The following TNFSF11 variants were observed in gnomAD, a reference collection of about 807,000 sequenced individuals.
The protein encoded by TNFSF11 is TNF superfamily member 11.
TNFSF11 carries 12 observed loss-of-function variants against 32.2 expected under a neutral mutation model. The ratio of observed to expected loss-of-function variants is 0.37; its 90% confidence interval spans 0.24 to 0.60. The LOEUF (loss-of-function observed/expected upper bound fraction) is 0.60. Among genes scored for constraint, TNFSF11 ranks in the 20% least tolerant of loss-of-function variants. The pLI is 0.66. For synonymous variants in TNFSF11, 172 were observed against 152.1 expected (o/e 1.13, Z -0.96); for missense variants, 345 against 398.0 (o/e 0.87, Z 1.13).
chr13:42,601,164 G>C (rs1330195540), intron 4 of TNFSF11, among the ~76,000 whole-genome samples, 183 bp downstream of exon 4: 2 of 152,204 alleles, frequency 1.3e-5, no homozygotes, highest in Non-Finnish European at 2.9e-5. Context: ...TCTCAAAAAT[G>C]TCAGAATGGA....
chr13:42,581,309 G>A lies in TNFSF11; in HGVS notation c.387+16G>A. On this transcript the variant is annotated intron_variant, in intron 2 of 4. Coordinates refer to ENST00000398795, the MANE Select transcript of TNFSF11 (RefSeq NM_003701.4). ...TGTGCAAAAGGTAAGTCCACATCGAGGCTGATAAGTCAAGGGCCCTTGCTG... is the reference window on the plus strand; with the variant it reads ...TGTGCAAAAGGTAAGTCCACATCGAAGCTGATAAGTCAAGGGCCCTTGCTG... The A allele has an allele frequency of 6.2e-7, 1 of 1,613,786 alleles. No individual in the cohort carries two copies. Among genetic ancestry groups the A allele is most frequent in the African/African-American group, 1.3e-5 (1 of 75,016 alleles).
intron 1 of TNFSF11, among the ~76,000 whole-genome samples, chr13:42,563,608 A>T (rs9533153): frequency 0.35 from 52,211 of 150,422 alleles, 9,302 homozygotes; most frequent in Middle Eastern, 0.5. Flanking sequence ...GGTTGCAGTG[A>T]GCTGAGATTG....
At chr13:42,575,173 G>A (rs1429109843) in intron 1 of TNFSF11, among the ~76,000 whole-genome samples, 1 of 152,204 alleles carries the variant, frequency 6.6e-6, no homozygotes, top group Non-Finnish European at 1.5e-5. Flanking sequence ...AAGGAAGAGG[G>A]ACAGCCCCAC....
chr13:42,590,617 G>A (rs1385167774), intron 2 of TNFSF11, among the ~76,000 whole-genome samples: 1 of 152,248 alleles, frequency 6.6e-6, no homozygotes, highest in Non-Finnish European at 1.5e-5. Context: ...GAGGAAAACA[G>A]AGACATGGTA....
In TNFSF11 at chr13:42,606,798, T is replaced by C. The variant is rs1345856108; in HGVS notation, c.834T>C (p.Gly278=). The C allele has an allele frequency of 1.2e-6, 2 of 1,613,430 alleles. No individual in the cohort carries two copies. Among genetic ancestry groups the C allele is most frequent in the Non-Finnish European group, 1.7e-6 (2 of 1,179,656 alleles). The change falls in exon 5 of 5, where the codon GGT becomes GGC. Residue 278 remains glycine (G), a synonymous_variant. Coordinates refer to ENST00000398795, the MANE Select transcript of TNFSF11 (RefSeq NM_003701.4). ...SEFHFYSINV[G]GFFKLRSGEE... The stretch of plus-strand genomic sequence containing the variant: ...TCCATTTTTATTCCATAAACGTTGG[T>C]GGATTTTTTAAGTTACGGTCTGGAG...
rs188220529 is a variant in TNFSF11, at chr13:42,588,777, G to A, written c.387+7484G>A. On this transcript the variant is annotated intron_variant, in intron 2 of 4. Transcript: ENST00000398795. ...TTTCTTCAAAGCATCCTAGGAAGAGGTGAGAGCCACTGGTGGACAGGGAAG... is the reference window on the plus strand; with the variant it reads ...TTTCTTCAAAGCATCCTAGGAAGAGATGAGAGCCACTGGTGGACAGGGAAG... 1.0e-3 allele frequency among the ~76,000 whole-genome samples: 159 copies of A among 152,324 alleles called. 1 individual carries two copies. The highest frequency in any genetic ancestry group is 3.3e-3 in the African/African-American group (138 of 41,562).
At chr13:42,585,985 A>G (rs888062525) in intron 2 of TNFSF11, among the ~76,000 whole-genome samples, 1 of 152,352 alleles carries the variant, frequency 6.6e-6, no homozygotes, top group African/African-American at 2.4e-5. Context: ...ATTAAAGATG[A>G]TCCCCTGGGA....
intron 2 of TNFSF11, among the ~76,000 whole-genome samples, chr13:42,581,907 C>T (rs946824446): frequency 6.6e-6 from 1 of 152,196 alleles, no homozygotes; most frequent in Non-Finnish European, 1.5e-5. Flanking sequence ...ACACCGACAG[C>T]CCCAGTTGGG....
chr13:42,606,406 A>G (rs1869453937), intron 4 of TNFSF11, 91 bp from the exon 5 acceptor site: 1 of 1,458,756 alleles, frequency 6.9e-7, no homozygotes, highest in Admixed American at 1.7e-5. Context: ...TGACTGCTAT[A>G]CTATTTTTTC....
At chr13:42,597,945 C>A (rs1012300214) in intron 2 of TNFSF11, among the ~76,000 whole-genome samples, 1 of 152,084 alleles carries the variant, frequency 6.6e-6, no homozygotes, top group South Asian at 2.1e-4. Flanking sequence ...ACCTCCTGGG[C>A]TCAAGCAATC....
At chr13:42,591,981 C>T (rs1868505777) in intron 2 of TNFSF11, among the ~76,000 whole-genome samples, 1 of 152,166 alleles carries the variant, frequency 6.6e-6, no homozygotes, top group South Asian at 2.1e-4. Flanking sequence ...CCCAGAGCCT[C>T]CTTCCAGGTG....
chr13:42,601,480 C>G (rs1472453094), intron 4 of TNFSF11, among the ~76,000 whole-genome samples: 1 of 152,282 alleles, frequency 6.6e-6, no homozygotes, highest in East Asian at 1.9e-4. Context: ...ATCATTTTCT[C>G]TGAGTAAATG....
chr13:42,593,077 T>C (rs1868593936), intron 2 of TNFSF11, among the ~76,000 whole-genome samples: 1 of 152,174 alleles, frequency 6.6e-6, no homozygotes, highest in East Asian at 1.9e-4. Context: ...TCTAATCACA[T>C]GACCGGTCCC....
chr13:42,594,166 G>T (rs574415217), intron 2 of TNFSF11, among the ~76,000 whole-genome samples: 1 of 150,544 alleles, frequency 6.6e-6, no homozygotes, highest in Non-Finnish European at 1.5e-5. Context: ...TGTAACCTCT[G>T]CCTCCCGGGC....
chr13:42,568,436 T>C (rs1195559017), intron 2 of TNFSF11, among the ~76,000 whole-genome samples: 4 of 152,256 alleles, frequency 2.6e-5, no homozygotes, highest in Non-Finnish European at 5.9e-5. Context: ...TAAGGCAGTA[T>C]ATTTCCAGAA....
rs1194444896 is a variant in TNFSF11, at chr13:42,589,393, C to G, written c.387+8100C>G. On this transcript the variant is annotated intron_variant, in intron 2 of 4. Coordinates refer to ENST00000398795, the MANE Select transcript of TNFSF11 (RefSeq NM_003701.4). ...CCTGCATCCTTGCATCTGGCCACCCCCTCCTGGCCTCACTGCCACTGGCCC... is the reference window on the plus strand; with the variant it reads ...CCTGCATCCTTGCATCTGGCCACCCGCTCCTGGCCTCACTGCCACTGGCCC... Among the ~76,000 whole-genome samples the G allele has an allele frequency of 2.0e-5, 3 of 152,164 alleles. No individual in the cohort carries two copies. The East Asian group carries it at 5.8e-4, about 29-fold the overall frequency.
chr13:42,587,005 G>A (rs1165315786), intron 2 of TNFSF11, among the ~76,000 whole-genome samples: 1 of 152,144 alleles, frequency 6.6e-6, no homozygotes, highest in East Asian at 1.9e-4. Context: ...GGTATAGTCT[G>A]AGCTGGGTAA....
chr13:42,601,813 C>A (rs1869190090), intron 4 of TNFSF11, among the ~76,000 whole-genome samples: 1 of 152,192 alleles, frequency 6.6e-6, no homozygotes, highest in Non-Finnish European at 1.5e-5. Context: ...GTGTTTTCCC[C>A]TTCCTCAATA....
intron 2 of TNFSF11, among the ~76,000 whole-genome samples, chr13:42,598,768 T>A (rs570831700): frequency 2.6e-5 from 4 of 152,250 alleles, no homozygotes; most frequent in African/African-American, 9.6e-5. Context: ...ATAATGAAAT[T>A]TTCCTATAGC....
Sources: allele counts gnomAD v4.1 joint callset (sites outside exome capture counted in the v4.1 genomes callset), GRCh38; gene constraint gnomAD v4.1.1; transcripts MANE v1.5; gene names NCBI Gene and HGNC (gene_info 2026-07-23, HGNC 2026-07-21).